CACNA1A: variants seen among roughly 807,000 people sequenced by gnomAD.
The protein encoded by CACNA1A is calcium voltage-gated channel subunit alpha1 A.
CACNA1A carries 57 observed loss-of-function variants against 262.4 expected under a neutral mutation model. The observed-to-expected ratio is 0.22, with a 90% CI of 0.18 to 0.27. The LOEUF (loss-of-function observed/expected upper bound fraction) is 0.27, where lower values mean the gene tolerates loss of function less well. Ranked by LOEUF, CACNA1A falls within the 10% of genes least tolerant of loss-of-function variation. CACNA1A has a pLI of 1.00. For synonymous variants in CACNA1A, 1,431 were observed against 1,419.3 expected (o/e 1.01, Z -0.18); for missense variants, 2,526 against 3,562.8 (o/e 0.71, Z 7.41).
At chr19:13,473,518 T>C (rs781191697) in intron 1 of CACNA1A, among the ~76,000 whole-genome samples, 21 of 152,232 alleles carry the variant, frequency 1.4e-4, no homozygotes, top group South Asian at 4.1e-4. Context: ...TTTTAAGCCA[T>C]ATAGTTCATG....
At chr19:13,484,511 T>C (rs1979744228) in intron 1 of CACNA1A, among the ~76,000 whole-genome samples, 1 of 152,168 alleles carries the variant, frequency 6.6e-6, no homozygotes, top group Non-Finnish European at 1.5e-5. Context: ...TTTCTTTTAA[T>C]CTGATCAATG....
chr19:13,217,690 A>C (rs1163860976), intron 38 of CACNA1A, among the ~76,000 whole-genome samples: 1 of 152,156 alleles, frequency 6.6e-6, no homozygotes, highest in Non-Finnish European at 1.5e-5. Flanking sequence ...ATTCAGAGAC[A>C]TCTCCAGGAG....
chr19:13,248,336 G>T (rs907104575), intron 30 of CACNA1A, among the ~76,000 whole-genome samples: 1 of 148,992 alleles, frequency 6.7e-6, no homozygotes, highest in Non-Finnish European at 1.5e-5. Flanking sequence ...AGCACTTTGG[G>T]AGGCCAAGGA....
chr19:13,433,636 T>C (rs561535329), intron 3 of CACNA1A, among the ~76,000 whole-genome samples: 29 of 152,056 alleles, frequency 1.9e-4, no homozygotes, highest in African/African-American at 6.0e-4. Flanking sequence ...GTGTCTCATC[T>C]GCTAATAAGG....
chr19:13,377,708 T>A (rs972941562), intron 3 of CACNA1A, among the ~76,000 whole-genome samples: 2 of 152,114 alleles, frequency 1.3e-5, no homozygotes, highest in Non-Finnish European at 2.9e-5. Flanking sequence ...AATTCTCTAT[T>A]TCAAGTCTTA....
intron 1 of CACNA1A, among the ~76,000 whole-genome samples, chr19:13,480,868 T>C (rs1481160337): frequency 6.6e-6 from 1 of 152,208 alleles, no homozygotes; most frequent in Non-Finnish European, 1.5e-5. Context: ...GGCTAAGCTT[T>C]TCTGCCTATG....
intron 24 of CACNA1A, among the ~76,000 whole-genome samples, chr19:13,266,856 T>G (rs1438468898): frequency 6.6e-6 from 1 of 152,202 alleles, no homozygotes; most frequent in Non-Finnish European, 1.5e-5. Context: ...ATTAGAGGCG[T>G]GAGCCACCGT....
At chr19:13,300,414 G>C (rs2057764196) in intron 18 of CACNA1A, 136 bp downstream of exon 18, 1 of 662,418 alleles carries the variant, frequency 1.5e-6, no homozygotes, top group South Asian at 1.8e-5. Flanking sequence ...AGTGAAAGTG[G>C]GTGGAAGGAC....
Position 13,212,333 on chromosome 19 carries a change from C to T in CACNA1A, c.6189+51G>A. 1.2e-6 allele frequency: 2 copies of T among 1,609,308 alleles called. No individual in the cohort carries two copies. The highest frequency in any genetic ancestry group is 2.2e-5 in the East Asian group (1 of 44,776). ...TGTGGGGGGCCCAGATCCCTTCCACCTGAACCACCCGGGCCCTGGGAGCCA... is the reference window on the plus strand; with the variant it reads ...TGTGGGGGGCCCAGATCCCTTCCACTTGAACCACCCGGGCCCTGGGAGCCA... On this transcript the variant is annotated intron_variant, in intron 42 of 46. Coordinates refer to ENST00000360228, the MANE Select transcript of CACNA1A (RefSeq NM_001127222.2). This position sits in a 1 kb window ranked among gnomAD's most constrained non-coding sequence, Gnocchi z 5.6.
Position 13,207,256 on chromosome 19 carries a change from G to C in CACNA1A, c.*57C>G. ...CCCGCGGCCTCTGCGCGGCTCCTCG[G>C]GTGGGGTGTGTGCGTGGGGTGCGTG... On this transcript the variant is annotated 3_prime_UTR_variant, in exon 47 of 47. Coordinates refer to ENST00000360228, the MANE Select transcript of CACNA1A (RefSeq NM_001127222.2). This position sits in a 1 kb window ranked among gnomAD's most constrained non-coding sequence, Gnocchi z 5.7. 6.8e-7 allele frequency: 1 copy of C among 1,472,610 alleles called. No homozygotes were observed. Among genetic ancestry groups the C allele is most frequent in the Admixed American group, 2.3e-5 (1 of 43,090 alleles). 91.2% of individuals were successfully genotyped at this position (1,472,610 alleles called of 1,614,324 possible).
At chr19:13,445,963 G>A (rs1028075228) in intron 3 of CACNA1A, among the ~76,000 whole-genome samples, 1 of 152,100 alleles carries the variant, frequency 6.6e-6, no homozygotes, top group African/African-American at 2.4e-5. Flanking sequence ...AATCTGAGAG[G>A]GCAACAGGTT....
intron 3 of CACNA1A, among the ~76,000 whole-genome samples, chr19:13,422,009 G>A (rs1314109623): frequency 6.6e-6 from 1 of 152,166 alleles, no homozygotes; most frequent in African/African-American, 2.4e-5. Flanking sequence ...GAAAGTATAG[G>A]ATGCTAGGGG....
intron 3 of CACNA1A, among the ~76,000 whole-genome samples, chr19:13,443,240 A>G (rs908913955): frequency 3.3e-5 from 5 of 152,370 alleles, no homozygotes; most frequent in Admixed American, 2.0e-4. Flanking sequence ...AACAGAAAAC[A>G]GACTAAGACA....
intron 6 of CACNA1A, among the ~76,000 whole-genome samples, chr19:13,348,844 C>T (rs1446680042): frequency 6.6e-6 from 1 of 151,496 alleles, no homozygotes; most frequent in Non-Finnish European, 1.5e-5. Context: ...CAAAACAAAA[C>T]AAAACCCCCC....
At chr19:13,235,361 T>G (rs747611018) in intron 32 of CACNA1A, 87 bp from the exon 33 acceptor site, 99 of 1,317,924 alleles carry the variant, frequency 7.5e-5, no homozygotes, top group Non-Finnish European at 9.7e-5. Context: ...TCTGCCCCAC[T>G]GGGTTGGGTG....
At chr19:13,278,198 T>G (rs1042140875) in intron 22 of CACNA1A, among the ~76,000 whole-genome samples, 1 of 151,864 alleles carries the variant, frequency 6.6e-6, no homozygotes, top group Non-Finnish European at 1.5e-5. Context: ...ATCCTTCCCC[T>G]GCTTACAATC....
At chr19:13,265,338 C>A (rs2056835732) in intron 24 of CACNA1A, among the ~76,000 whole-genome samples, 1 of 152,208 alleles carries the variant, frequency 6.6e-6, no homozygotes. Context: ...GCCCCAGAGA[C>A]CCCCATCACG....
In CACNA1A at chr19:13,365,474, G is replaced by C. The variant is rs1310830010; in HGVS notation, c.632-5C>G. ...ACTTCAGGACGACTTGTAAACCTGGGGGGACACAGAGAGAGGCCCCATAAG... is the reference window on the plus strand; with the variant it reads ...ACTTCAGGACGACTTGTAAACCTGGCGGGACACAGAGAGAGGCCCCATAAG... On this transcript the variant is annotated splice_polypyrimidine_tract_variant and splice_region_variant and intron_variant, in intron 4 of 46. Transcript: ENST00000360228. The C allele has an allele frequency of 6.2e-7, 1 of 1,613,020 alleles. No homozygotes were observed. The highest frequency in any genetic ancestry group is 8.5e-7 in the Non-Finnish European group (1 of 1,179,438).
intron 6 of CACNA1A, among the ~76,000 whole-genome samples, chr19:13,349,161 C>A (rs2058854951): frequency 6.6e-6 from 1 of 152,112 alleles, no homozygotes; most frequent in Non-Finnish European, 1.5e-5. Context: ...GGTCACGTCA[C>A]CCTGTGGGCC....
Sources: gnomAD v4.1 joint callset for allele counts (sites outside exome capture counted in the v4.1 genomes callset) on GRCh38, gnomAD v4.1.1 for gene constraint, Gnocchi (gnomAD v3.1) non-coding constraint, MANE v1.5 for transcripts, NCBI Gene and HGNC (gene_info 2026-07-23, HGNC 2026-07-21) for gene names.